The following OSBPL6 variants were observed in gnomAD, a reference collection of about 807,000 sequenced individuals.
The protein encoded by OSBPL6 is oxysterol binding protein like 6.
A neutral mutation model predicts 125.8 loss-of-function variants in OSBPL6; 49 were observed. That is an observed-to-expected ratio of 0.39 (90% CI 0.31 to 0.49). The LOEUF (loss-of-function observed/expected upper bound fraction) is 0.49. Among genes scored for constraint, OSBPL6 ranks in the 20% least tolerant of loss-of-function variants. The pLI, the probability that OSBPL6 is intolerant of heterozygous loss-of-function variation, is 0.88. For synonymous variants in OSBPL6, 394 were observed against 391.8 expected (o/e 1.01, Z -0.07); for missense variants, 986 against 1,135.4 (o/e 0.87, Z 1.89).
At chr2:178,208,273 A>G (rs1049915716) in intron 1 of OSBPL6, among the ~76,000 whole-genome samples, 7 of 151,092 alleles carry the variant, frequency 4.6e-5, no homozygotes, top group African/African-American at 1.5e-4. Context: ...GTGACAGAGT[A>G]AGACTCTGTC....
At chr2:178,328,415 C>T in intron 5 of OSBPL6, 37 bp downstream of exon 5, 1 of 1,597,020 alleles carries the variant, frequency 6.3e-7, no homozygotes, top group Non-Finnish European at 8.5e-7. Flanking sequence ...AGACCATCTT[C>T]ATAAATAAAG....
At chr2:178,307,545 T>G (rs766257208) in intron 3 of OSBPL6, among the ~76,000 whole-genome samples, 1 of 152,176 alleles carries the variant, frequency 6.6e-6, no homozygotes, top group Non-Finnish European at 1.5e-5. Flanking sequence ...CACACAGTTA[T>G]AATATTTATT....
intron 1 of OSBPL6, among the ~76,000 whole-genome samples, chr2:178,243,652 T>C (rs879569222): frequency 5.9e-5 from 9 of 152,182 alleles, no homozygotes; most frequent in South Asian, 2.1e-4. Flanking sequence ...TCTGGGTTTT[T>C]TTGTTTCTTT....
At chr2:178,228,644 AC>A (rs2090680774) in intron 1 of OSBPL6, among the ~76,000 whole-genome samples, 1 of 152,262 alleles carries the variant, frequency 6.6e-6, no homozygotes, top group Admixed American at 6.5e-5. Context: ...CAGTTTATTT[AC>A]CCCAATATAA....
chr2:178,279,132 T>C (rs2092527495), intron 1 of OSBPL6, among the ~76,000 whole-genome samples: 1 of 152,224 alleles, frequency 6.6e-6, no homozygotes, highest in Non-Finnish European at 1.5e-5. Flanking sequence ...TTTATTATTG[T>C]ACAGAGTGCT....
chr2:178,257,799 CTT>C (rs34246883), intron 1 of OSBPL6, among the ~76,000 whole-genome samples: 19 of 143,490 alleles, frequency 1.3e-4, no homozygotes, highest in Admixed American at 2.8e-4. Context: ...TTTTTAATTC[CTT>C]TTTTTTTTTT....
At chr2:178,329,891 TAACTTCCTTGAGGA>T (rs1689048297) in intron 5 of OSBPL6, among the ~76,000 whole-genome samples, 1 of 152,212 alleles carries the variant, frequency 6.6e-6, no homozygotes, top group Non-Finnish European at 1.5e-5. Context: ...TTATGTATGT[TAACTTCCTTGAGGA>T]AACATTTTAT....
Position 178,389,011 on chromosome 2 carries a change from A to G in OSBPL6, c.2159A>G (p.Tyr720Cys), listed in dbSNP as rs967256565. Reference sequence around the variant, plus strand: ...ATCAGTGTTACATTCTTCACTAGGTATGGAGATTACTATGTGTGGAATAAA... The same window carrying G: ...ATCAGTGTTACATTCTTCACTAGGTGTGGAGATTACTATGTGTGGAATAAA... The part of the protein sequence containing the change: ...VGTLNVMLPK[Y>C]GDYYVWNKVT... The change falls in exon 21 of 25, where the codon TAT becomes TGT. Residue 720 changes from tyrosine to cysteine, a missense_variant and splice_region_variant. By Grantham distance (194) the Tyr-to-Cys change is radical. Coordinates refer to ENST00000190611, the MANE Select transcript of OSBPL6 (RefSeq NM_032523.4). The G allele has an allele frequency of 8.1e-6, 13 of 1,613,758 alleles. No individual in the cohort carries two copies. The highest frequency in any genetic ancestry group is 1.0e-5 in the Non-Finnish European group (12 of 1,179,890).
intron 1 of OSBPL6, among the ~76,000 whole-genome samples, chr2:178,229,946 A>G (rs1178380859): frequency 1.3e-5 from 2 of 152,242 alleles, no homozygotes; most frequent in African/African-American, 2.4e-5. Context: ...GATCTACATT[A>G]AAGTTTGAGA....
intron 2 of OSBPL6, among the ~76,000 whole-genome samples, chr2:178,304,547 G>C (rs989336926): frequency 3.2e-4 from 49 of 152,206 alleles, no homozygotes; most frequent in Admixed American, 2.6e-4. Flanking sequence ...TACAATTCAG[G>C]ATGAGATGTG....
intron 19 of OSBPL6, 106 bp downstream of exon 19, chr2:178,385,627 C>A: frequency 1.2e-6 from 1 of 855,282 alleles, no homozygotes; most frequent in Non-Finnish European, 1.8e-6. Flanking sequence ...CTTTGGAACT[C>A]AGCAAATGTT....
intron 2 of OSBPL6, among the ~76,000 whole-genome samples, chr2:178,302,039 T>C (rs1485761987): frequency 6.6e-6 from 1 of 152,176 alleles, no homozygotes; most frequent in Non-Finnish European, 1.5e-5. Context: ...TGGTCCCCAA[T>C]CTTAAGTGTT....
At chr2:178,235,437 C>T (rs1221843350) in intron 1 of OSBPL6, among the ~76,000 whole-genome samples, 4 of 107,894 alleles carry the variant, frequency 3.7e-5, no homozygotes, top group Non-Finnish European at 5.2e-5. Context: ...GACAAAGTCT[C>T]GCTGTGTCAC....
At chr2:178,335,518 C>T (rs1196824740) in intron 8 of OSBPL6, among the ~76,000 whole-genome samples, 1 of 152,082 alleles carries the variant, frequency 6.6e-6, no homozygotes, top group African/African-American at 2.4e-5. Context: ...GTTTGTGGCC[C>T]TCTGTGAGTA....
At chr2:178,340,096 G>A (rs1348669097) in intron 11 of OSBPL6, among the ~76,000 whole-genome samples, 1 of 151,900 alleles carries the variant, frequency 6.6e-6, no homozygotes, top group East Asian at 1.9e-4. Flanking sequence ...GGGTTATAAT[G>A]AACACTCATT....
At chr2:178,232,391 AAG>A (rs1448348194) in intron 1 of OSBPL6, among the ~76,000 whole-genome samples, 1 of 152,186 alleles carries the variant, frequency 6.6e-6, no homozygotes, top group Non-Finnish European at 1.5e-5. Flanking sequence ...ACCAAGGTTA[AAG>A]AGAGGGGAAG....
intron 13 of OSBPL6, among the ~76,000 whole-genome samples, chr2:178,367,402 C>T (rs746473256): frequency 6.6e-6 from 1 of 152,122 alleles, no homozygotes; most frequent in Non-Finnish European, 1.5e-5. Flanking sequence ...TCCTTTTGAA[C>T]CAGTTTTATT....
chr2:178,243,546 G>A lies in OSBPL6; in HGVS notation c.-350-41381G>A, dbSNP rs545739563. 3.9e-5 allele frequency among the ~76,000 whole-genome samples: 6 copies of A among 152,198 alleles called. No individual in the cohort carries two copies. The East Asian group carries it at 9.7e-4, about 25-fold the overall frequency. Reference sequence around the variant, plus strand: ...CACTCCCCCCGACCCATATGGCTTAGCCCTATCCATTCATCTCCAAAATAT... The same window carrying A: ...CACTCCCCCCGACCCATATGGCTTAACCCTATCCATTCATCTCCAAAATAT... On this transcript the variant is annotated intron_variant, in intron 1 of 24. Transcript: ENST00000190611.
chr2:178,387,054 C>T lies in OSBPL6; in HGVS notation c.2078-7C>T, dbSNP rs1695004656. 3 of 1,583,038 alleles carry T rather than the reference C, an allele frequency of 1.9e-6. No individual in the cohort carries two copies. The highest frequency in any genetic ancestry group is 1.1e-5 in the South Asian group (1 of 90,206). On this transcript the variant is annotated splice_polypyrimidine_tract_variant and splice_region_variant and intron_variant, in intron 19 of 24. Transcript: ENST00000190611. ...TGTATTTCTTGTCCTCTCCCTATGT[C>T]ATTTAGATATCAGATGGAAAAACAA...
Sources: gnomAD v4.1 joint callset for allele counts (sites outside exome capture counted in the v4.1 genomes callset) on GRCh38, gnomAD v4.1.1 for gene constraint, MANE v1.5 for transcripts, NCBI Gene and HGNC (gene_info 2026-07-23, HGNC 2026-07-21) for gene names.